The following PLCH1 variants were observed in gnomAD, a reference collection of about 807,000 sequenced individuals.
The protein encoded by PLCH1 is phospholipase C eta 1.
A neutral mutation model predicts 126.7 loss-of-function variants in PLCH1; 60 were observed. The ratio of observed to expected loss-of-function variants is 0.47; its 90% CI spans 0.38 to 0.59. PLCH1 has a LOEUF of 0.59. PLCH1 is among the 20% of genes least tolerant of loss of function. PLCH1 has a pLI of 0.00. For missense variants in PLCH1, 1,723 were observed against 2,040.0 expected, an observed-to-expected ratio of 0.84 and a Z score of 2.99; for synonymous variants, 719 against 734.9, an observed-to-expected ratio of 0.98 and a Z score of 0.35.
At chr3:155,642,857 C>G (rs947383617) in intron 2 of PLCH1, among the ~76,000 whole-genome samples, 1 of 152,136 alleles carries the variant, frequency 6.6e-6, no homozygotes, top group African/African-American at 2.4e-5. Flanking sequence ...TCTATGTAAC[C>G]AATGGAGTAT....
rs1218110981 is a variant in PLCH1, at chr3:155,513,202, A to C, written c.1632+1521T>G. ...CTGGCACAGAGGGCCTCGTCTCAAC[A>C]GTAACTTGCCTTTGCTTGCCCAGTG... On this transcript the variant is annotated intron_variant, in intron 12 of 22. Coordinates refer to ENST00000460012, the MANE Select transcript of PLCH1 (RefSeq NM_014996.4). Among the ~76,000 whole-genome samples, 3 of 152,246 alleles carry C rather than the reference A, an allele frequency of 2.0e-5. No individual in the cohort carries two copies. In the East Asian group the frequency reaches 5.8e-4, roughly 29 times the overall value.
chr3:155,498,692 T>A (rs1717438958), intron 14 of PLCH1, among the ~76,000 whole-genome samples: 1 of 152,228 alleles, frequency 6.6e-6, no homozygotes, highest in East Asian at 1.9e-4. Context: ...TTACAAAGGA[T>A]GTTTACTTTC....
At chr3:155,636,091 T>G (rs1400046041) in intron 2 of PLCH1, among the ~76,000 whole-genome samples, 1 of 152,132 alleles carries the variant, frequency 6.6e-6, no homozygotes, top group Non-Finnish European at 1.5e-5. Flanking sequence ...AAAGAAAACT[T>G]TTTCAAAAGT....
chr3:155,715,787 T>C (rs1747460846), intron 1 of PLCH1, among the ~76,000 whole-genome samples: 1 of 151,840 alleles, frequency 6.6e-6, no homozygotes, highest in African/African-American at 2.4e-5. Flanking sequence ...TAATTTTTTG[T>C]GGAAACAGGG....
At chr3:155,737,105 G>A (rs1398466600) in intron 1 of PLCH1, among the ~76,000 whole-genome samples, 3 of 151,384 alleles carry the variant, frequency 2.0e-5, no homozygotes, top group Non-Finnish European at 4.4e-5. Context: ...GGTGGCGCAC[G>A]TCTGTAGTCC....
chr3:155,577,618 C>T (rs547739020), intron 6 of PLCH1, among the ~76,000 whole-genome samples: 12 of 152,244 alleles, frequency 7.9e-5, no homozygotes, highest in East Asian at 7.7e-4. Context: ...GAGTCATGCT[C>T]ATATGTAAGT....
chr3:155,487,747 G>A (rs1576802931), intron 21 of PLCH1, among the ~76,000 whole-genome samples: 1 of 152,226 alleles, frequency 6.6e-6, no homozygotes, highest in African/African-American at 2.4e-5. Context: ...CATTGTTTTA[G>A]CCCAACAGAT....
chr3:155,482,527 T>C lies in PLCH1; in HGVS notation c.3499A>G (p.Ser1167Gly). Reference sequence around the variant, plus strand: ...TTGTCAATAAGATGGGAAATTACACTCTCCTGCAGAATTGCAGTTGAATGT... The same window carrying C: ...TTGTCAATAAGATGGGAAATTACACCCTCCTGCAGAATTGCAGTTGAATGT... Reference protein sequence around the residue: ...DLHSTAILQESVISHLIDNVT... With the variant: ...DLHSTAILQEGVISHLIDNVT... The change falls in exon 23 of 23, where the codon AGT (serine) becomes GGT (glycine). Residue 1167 changes from serine (S) to glycine (G), a missense_variant. Coordinates refer to ENST00000460012, the MANE Select transcript of PLCH1 (RefSeq NM_014996.4). 1 of 1,614,096 alleles carries C rather than the reference T, an allele frequency of 6.2e-7. No homozygotes were observed. Among genetic ancestry groups the C allele is most frequent in the Non-Finnish European group, 8.5e-7 (1 of 1,179,994 alleles).
In PLCH1 at chr3:155,533,572, A is replaced by C. The variant is rs1015641980; in HGVS notation, c.1363-9568T>G. ...AAAATAAAAAAGAAAGAAAAGAAAA[A>C]CCCATTTTCTGGGGAGAAATTCAAG... is the stretch of plus-strand genomic sequence containing the variant. On this transcript the variant is annotated intron_variant, in intron 10 of 22. Transcript: ENST00000460012. Among the ~76,000 whole-genome samples the C allele has an allele frequency of 3.4e-4, 51 of 152,174 alleles. No individual in the cohort carries two copies. In the East Asian group the frequency reaches 9.1e-3, roughly 27 times the overall value.
intron 21 of PLCH1, 36 bp from the exon 22 acceptor site, chr3:155,485,746 A>G: frequency 1.5e-6 from 2 of 1,329,086 alleles, no homozygotes; most frequent in Middle Eastern, 1.9e-4. Flanking sequence ...AAGTTAAGCA[A>G]ATGCCATCAC....
rs1158381688 is a variant in PLCH1, at chr3:155,635,217, CT to C, written c.80-38840del. ...ATATGACCTCATTCAGCCCCCATCT[CT>C]TTTTCCTTTCCATCTACTTGTCACA... On this transcript the variant is annotated intron_variant, in intron 2 of 22. Coordinates refer to ENST00000460012, the MANE Select transcript of PLCH1 (RefSeq NM_014996.4). 2.0e-5 allele frequency among the ~76,000 whole-genome samples: 3 copies of C among 152,040 alleles called. No homozygotes were observed. In the East Asian group the frequency reaches 5.8e-4, roughly 29 times the overall value.
At chr3:155,681,565 CT>C (rs1456519388) in intron 2 of PLCH1, among the ~76,000 whole-genome samples, 9 of 152,112 alleles carry the variant, frequency 5.9e-5, no homozygotes, top group African/African-American at 2.2e-4. Context: ...CACTTATTGC[CT>C]TCAGTCTCTC....
chr3:155,586,013 T>C, intron 5 of PLCH1, 52 bp downstream of exon 5: 1 of 1,537,388 alleles, frequency 6.5e-7, no homozygotes, highest in Non-Finnish European at 9.0e-7. Flanking sequence ...CCTAAGTATG[T>C]TAATAACCTC....
intron 8 of PLCH1, among the ~76,000 whole-genome samples, chr3:155,560,533 G>A (rs1454568530): frequency 6.6e-6 from 1 of 152,152 alleles, no homozygotes; most frequent in African/African-American, 2.4e-5. Flanking sequence ...CATTCAATTT[G>A]TAGTCATCCT....
At chr3:155,616,989 A>C (rs1436068801) in intron 2 of PLCH1, among the ~76,000 whole-genome samples, 1 of 152,192 alleles carries the variant, frequency 6.6e-6, no homozygotes, top group Non-Finnish European at 1.5e-5. Context: ...AATTAATTTA[A>C]TTTAAATCAC....
chr3:155,637,753 A>G (rs1392241356), intron 2 of PLCH1, among the ~76,000 whole-genome samples: 2 of 152,198 alleles, frequency 1.3e-5, no homozygotes, highest in Admixed American at 1.3e-4. Context: ...CCCAAAACCC[A>G]AGAAAGAACC....
chr3:155,626,470 C>A (rs753004098), intron 2 of PLCH1, among the ~76,000 whole-genome samples: 1 of 151,918 alleles, frequency 6.6e-6, no homozygotes, highest in South Asian at 2.1e-4. Context: ...GAAATCCTAA[C>A]GGAAAAAGAT....
At chr3:155,569,961 T>G (rs947743457) in intron 6 of PLCH1, among the ~76,000 whole-genome samples, 3 of 152,200 alleles carry the variant, frequency 2.0e-5, no homozygotes, top group Non-Finnish European at 4.4e-5. Context: ...ACCAAAAACA[T>G]CATATTTGAA....
chr3:155,568,578 G>C (rs1261985169), intron 6 of PLCH1, among the ~76,000 whole-genome samples: 1 of 152,144 alleles, frequency 6.6e-6, no homozygotes, highest in Admixed American at 6.6e-5. Context: ...GTGAAGAAAT[G>C]AAATAAAATC....
Sources: allele counts gnomAD v4.1 joint callset (sites outside exome capture counted in the v4.1 genomes callset), GRCh38; gene constraint gnomAD v4.1.1; transcripts MANE v1.5; gene names NCBI Gene and HGNC (gene_info 2026-07-23, HGNC 2026-07-21).